Variants in LRRTM4 observed in about 807,000 individuals in gnomAD.
The protein encoded by LRRTM4 is leucine rich repeat transmembrane neuronal 4, also known as leucine-rich repeat transmembrane neuronal protein 4.
LRRTM4 carries 25 observed loss-of-function variants against 47.6 expected under a neutral mutation model. That is an observed-to-expected ratio of 0.53 (90% confidence interval 0.38 to 0.73). LRRTM4 has a LOEUF of 0.73. LRRTM4 is among the 30% of genes least tolerant of loss of function. LRRTM4 has a pLI of 0.00. For missense variants in LRRTM4, 638 were observed against 713.4 expected (o/e 0.89, Z 1.20); for synonymous variants, 311 against 269.5 (o/e 1.15, Z -1.51).
chr2:76,916,403 A>AAAAAAAAAAAG (rs1674251119), intron 3 of LRRTM4, among the ~76,000 whole-genome samples: 3 of 138,518 alleles, frequency 2.2e-5, no homozygotes, highest in East Asian at 2.8e-4. Flanking sequence ...AAAAAAAAAA[A>AAAAAAAAAAAG]AAAAGAAAAG....
At chr2:77,032,008 G>C (rs61406320) in intron 3 of LRRTM4, among the ~76,000 whole-genome samples, 7,148 of 151,974 alleles carry the variant, frequency 0.047, 589 homozygotes, top group African/African-American at 0.16. Flanking sequence ...ACTTTTTAAA[G>C]ATATTAAGAA....
chr2:77,502,063 A>G (rs947731438), intron 3 of LRRTM4, among the ~76,000 whole-genome samples: 5 of 151,450 alleles, frequency 3.3e-5, no homozygotes, highest in African/African-American at 9.7e-5. Context: ...TATCCTGAAA[A>G]TGTCGAAAAC....
chr2:77,063,347 A>C (rs1679853724), intron 3 of LRRTM4, among the ~76,000 whole-genome samples: 1 of 152,098 alleles, frequency 6.6e-6, no homozygotes. Context: ...GACTTGTTTT[A>C]CATCTCTTGG....
intron 3 of LRRTM4, among the ~76,000 whole-genome samples, chr2:76,789,821 C>T (rs1674876223): frequency 6.6e-6 from 1 of 152,070 alleles, no homozygotes; most frequent in African/African-American, 2.4e-5. Context: ...TTATTTTTTC[C>T]ATATTTCCTG....
intron 3 of LRRTM4, among the ~76,000 whole-genome samples, chr2:76,976,032 G>A (rs1257601038): frequency 6.6e-6 from 1 of 151,574 alleles, no homozygotes; most frequent in Admixed American, 6.6e-5. Context: ...TCCTTCTATT[G>A]AATTATAACT....
chr2:77,019,896 TGAAA>T (rs1188348426), intron 3 of LRRTM4, among the ~76,000 whole-genome samples: 1 of 151,950 alleles, frequency 6.6e-6, no homozygotes, highest in Admixed American at 6.6e-5. Flanking sequence ...GGGTGAAGGT[TGAAA>T]GAATGTCAAA....
At chr2:76,897,528 C>G (rs1175720642) in intron 3 of LRRTM4, among the ~76,000 whole-genome samples, 2 of 151,976 alleles carry the variant, frequency 1.3e-5, no homozygotes, top group African/African-American at 2.4e-5. Context: ...CTCTGGTAAA[C>G]AGGCATAATA....
intron 3 of LRRTM4, among the ~76,000 whole-genome samples, chr2:76,988,710 T>C (rs954688140): frequency 1.3e-5 from 2 of 151,860 alleles, no homozygotes; most frequent in Non-Finnish European, 2.9e-5. Flanking sequence ...ATTTCTGTTC[T>C]CCAAGAACTC....
chr2:77,275,876 GA>G (rs1258469215), intron 3 of LRRTM4, among the ~76,000 whole-genome samples: 1 of 151,980 alleles, frequency 6.6e-6, no homozygotes. Flanking sequence ...TTTCTCTGGG[GA>G]AAAATGTTAA....
chr2:76,824,010 C>T (rs1036723440), intron 3 of LRRTM4, among the ~76,000 whole-genome samples: 1 of 151,530 alleles, frequency 6.6e-6, no homozygotes, highest in Non-Finnish European at 1.5e-5. Context: ...GAAATTTGTG[C>T]TCACATGTGT....
In LRRTM4 at chr2:77,390,522, A is replaced by G. The variant is rs549841181; in HGVS notation, c.1551+127796T>C. ...AATTGATATCCGCTGGTAAATATGT[A>G]TATATGAAGATTTAGACATAACATA... is the stretch of plus-strand genomic sequence containing the variant. On this transcript the variant is annotated intron_variant, in intron 3 of 3. Transcript: ENST00000409884. 3.9e-5 allele frequency among the ~76,000 whole-genome samples: 6 copies of G among 152,162 alleles called. No homozygotes were observed. The East Asian group carries it at 1.2e-3, about 29-fold the overall frequency.
chr2:76,987,351 T>C (rs1395268664), intron 3 of LRRTM4: 1 of 151,880 alleles, frequency 6.6e-6, no homozygotes, highest in East Asian at 1.9e-4. Context: ...AATAAAACTC[T>C]AAAGAATTAT....
intron 3 of LRRTM4, among the ~76,000 whole-genome samples, chr2:76,893,613 A>G (rs1260602524): frequency 6.6e-6 from 1 of 151,436 alleles, no homozygotes; most frequent in Non-Finnish European, 1.5e-5. Context: ...TAAGACATGC[A>G]TCTTCCAAGA....
intron 3 of LRRTM4, among the ~76,000 whole-genome samples, chr2:76,959,923 T>C (rs182598526): frequency 1.2e-3 from 183 of 151,842 alleles, no homozygotes; most frequent in African/African-American, 4.2e-3. Flanking sequence ...CTGGTCATTA[T>C]TAGTGGTATT....
intron 3 of LRRTM4, among the ~76,000 whole-genome samples, chr2:76,878,528 A>G (rs929297221): frequency 2.6e-5 from 4 of 152,122 alleles, no homozygotes; most frequent in African/African-American, 9.7e-5. Flanking sequence ...AAAGTTCTTA[A>G]AGAAAGTTAG....
intron 3 of LRRTM4, among the ~76,000 whole-genome samples, chr2:76,820,932 G>C (rs1671034748): frequency 6.6e-6 from 1 of 151,660 alleles, no homozygotes; most frequent in Admixed American, 6.6e-5. Context: ...GGGCAAACTG[G>C]TAGGACATCA....
chr2:76,929,199 A>C (rs1674686251), intron 3 of LRRTM4, among the ~76,000 whole-genome samples: 1 of 152,212 alleles, frequency 6.6e-6, no homozygotes, highest in South Asian at 2.1e-4. Flanking sequence ...GTTTAGGACC[A>C]GACATATCAC....
intron 3 of LRRTM4, among the ~76,000 whole-genome samples, chr2:77,496,372 G>A (rs997603575): frequency 2.6e-5 from 4 of 151,760 alleles, no homozygotes; most frequent in African/African-American, 9.7e-5. Context: ...GTCATATAGG[G>A]TGGTGAGAAT....
At chr2:76,833,968 T>C (rs909790795) in intron 3 of LRRTM4, among the ~76,000 whole-genome samples, 10 of 151,452 alleles carry the variant, frequency 6.6e-5, no homozygotes, top group South Asian at 4.1e-4. Flanking sequence ...TATTGTCCTA[T>C]TGAATGATAA....
Sources: allele counts gnomAD v4.1 joint callset (sites outside exome capture counted in the v4.1 genomes callset), GRCh38; gene constraint gnomAD v4.1.1; transcripts MANE v1.5; gene names NCBI Gene and HGNC (gene_info 2026-07-23, HGNC 2026-07-21).